The following RANBP2 variants were observed in gnomAD, a reference collection of about 807,000 sequenced individuals.
RANBP2 encodes the protein RAN binding protein 2.
A neutral mutation model predicts 303.6 loss-of-function variants in RANBP2; 57 were observed. The ratio of observed to expected loss-of-function variants is 0.19; its 90% CI spans 0.15 to 0.23. The LOEUF (loss-of-function observed/expected upper bound fraction) is 0.23. Ranked by LOEUF, RANBP2 falls within the 10% of genes least tolerant of loss-of-function variation. RANBP2 has a pLI of 1.00. For synonymous variants in RANBP2, 1,167 were observed against 1,301.5 expected, an observed-to-expected ratio of 0.90 and a Z score of 2.23; for missense variants, 3,138 against 3,780.8, an observed-to-expected ratio of 0.83 and a Z score of 4.46.
At chr2:109,364,019 T>A in the RANBP2 span, among the ~76,000 whole-genome samples, 2,204 of 152,270 alleles carry the variant, frequency 0.014, 18 homozygotes, top group Non-Finnish European at 0.022. Context: ...TTTGGAGAAA[T>A]TCTCAGTTAT....
the RANBP2 span, among the ~76,000 whole-genome samples, chr2:109,742,726 G>T: frequency 2.7e-5 from 4 of 146,564 alleles, no homozygotes; most frequent in South Asian, 9.0e-4. Context: ...TGGTATTAAA[G>T]GAGAATGAAG....
At chr2:109,185,281 G>C in the RANBP2 span, among the ~76,000 whole-genome samples, 7 of 152,336 alleles carry the variant, frequency 4.6e-5, no homozygotes, top group South Asian at 1.2e-3. Context: ...CCTAATCGAT[G>C]TGAATAAAAT....
At chr2:108,791,589 GC>G in the RANBP2 span, 2 of 1,436,390 alleles carry the variant, frequency 1.4e-6, no homozygotes, top group East Asian at 4.7e-5. Flanking sequence ...TCTCAGTTAT[GC>G]TGTTAATATT....
chr2:108,862,984 A>G, the RANBP2 span, among the ~76,000 whole-genome samples: 1 of 152,296 alleles, frequency 6.6e-6, no homozygotes, highest in African/African-American at 2.4e-5. Context: ...ATCATCAAAA[A>G]CTTTGGACTA....
chr2:109,509,681 C>T, the RANBP2 span, among the ~76,000 whole-genome samples: 1 of 151,992 alleles, frequency 6.6e-6, no homozygotes, highest in African/African-American at 2.4e-5. Flanking sequence ...TAAGCAATTT[C>T]TCATCCTCCA....
the RANBP2 span, chr2:109,449,337 A>G: frequency 1.9e-6 from 3 of 1,605,926 alleles, no homozygotes; most frequent in Non-Finnish European, 2.6e-6. Flanking sequence ...ACGGCCGGCC[A>G]TCCCCCTCAC....
At chr2:109,351,288 A>G in the RANBP2 span, among the ~76,000 whole-genome samples, 4 of 152,220 alleles carry the variant, frequency 2.6e-5, no homozygotes, top group Non-Finnish European at 5.9e-5. Context: ...GCCCCATGCC[A>G]GCTGTGTGAC....
intron 23 of RANBP2, among the ~76,000 whole-genome samples, chr2:108,775,325 CTG>C (rs1233620136): frequency 6.6e-6 from 1 of 152,076 alleles, no homozygotes; most frequent in Non-Finnish European, 1.5e-5. Context: ...GTTGTGAGGT[CTG>C]TCTTGGTGAA....
chr2:108,898,510 A>G, the RANBP2 span, among the ~76,000 whole-genome samples: 1 of 152,202 alleles, frequency 6.6e-6, no homozygotes, highest in African/African-American at 2.4e-5. Flanking sequence ...CCAGAGTTTC[A>G]TATCAGGACA....
chr2:108,835,495 A>G, the RANBP2 span, among the ~76,000 whole-genome samples: 1 of 152,222 alleles, frequency 6.6e-6, no homozygotes, highest in African/African-American at 2.4e-5. Context: ...CAGCGATATG[A>G]TAACACATGA....
At chr2:108,861,192 G>A in the RANBP2 span, among the ~76,000 whole-genome samples, 5 of 150,876 alleles carry the variant, frequency 3.3e-5, no homozygotes, top group Admixed American at 3.3e-4. Context: ...TATCATTTCT[G>A]ATTGTGTTTA....
the RANBP2 span, chr2:109,251,788 G>T: frequency 1.9e-6 from 1 of 515,062 alleles, no homozygotes; most frequent in East Asian, 3.4e-5. Flanking sequence ...AAAAGAATTA[G>T]ATAATACTAA....
At chr2:108,803,249 G>A in the RANBP2 span, among the ~76,000 whole-genome samples, 1 of 152,178 alleles carries the variant, frequency 6.6e-6, no homozygotes, top group African/African-American at 2.4e-5. Context: ...GCGGCTCAAA[G>A]TTGAGCCCAA....
the RANBP2 span, among the ~76,000 whole-genome samples, chr2:109,359,055 G>C: frequency 1.3e-5 from 2 of 152,018 alleles, no homozygotes; most frequent in African/African-American, 4.8e-5. Flanking sequence ...CCATTGTATT[G>C]TCTTTGTTCC....
At chr2:109,181,195 T>C in the RANBP2 span, among the ~76,000 whole-genome samples, 957 of 152,254 alleles carry the variant, frequency 6.3e-3, 14 homozygotes, top group African/African-American at 0.02. Context: ...AAACCTGTTA[T>C]TTGGGAATGA....
In RANBP2 at chr2:108,751,684, C is replaced by G. The variant is rs1188416326; in HGVS notation, c.1612C>G (p.Leu538Val). The G allele has an allele frequency of 2.5e-6, 4 of 1,611,062 alleles. No homozygotes were observed. The highest frequency in any genetic ancestry group is 3.4e-6 in the Non-Finnish European group (4 of 1,179,492). Residue 538 changes from leucine (L) to valine (V), a missense_variant, in exon 11 of 29, where the codon CTG (leucine) becomes GTG (valine). Transcript: ENST00000283195. The part of the protein sequence containing the change: ...QKSWWDAVCT[L>V]IHRKAVPGNV... The stretch of plus-strand genomic sequence containing the variant: ...ATCTTGGTGGGATGCGGTTTGTACT[C>G]TGATTCACAGAAAAGCAGTGTAAGT...
At chr2:108,929,301 G>A in the RANBP2 span, 1 of 1,614,060 alleles carries the variant, frequency 6.2e-7, no homozygotes. Context: ...CTGCATATCT[G>A]GTAGCCTCCT....
the RANBP2 span, among the ~76,000 whole-genome samples, chr2:109,374,730 T>C: frequency 2.5e-4 from 38 of 152,328 alleles, no homozygotes; most frequent in African/African-American, 8.9e-4. Context: ...GAAGGTCTCC[T>C]CCACAGCCGC....
chr2:108,919,116 C>T, the RANBP2 span, among the ~76,000 whole-genome samples: 7 of 152,176 alleles, frequency 4.6e-5, no homozygotes, highest in Non-Finnish European at 8.8e-5. Flanking sequence ...CCAGGAGCAA[C>T]TGAGCGCCGG....
Sources: gnomAD v4.1 joint callset for allele counts (sites outside exome capture counted in the v4.1 genomes callset) on GRCh38, gnomAD v4.1.1 for gene constraint, MANE v1.5 for transcripts, NCBI Gene and HGNC (gene_info 2026-07-23, HGNC 2026-07-21) for gene names.